Variants in DPP10 observed in about 807,000 individuals in gnomAD.
DPP10 encodes the protein inactive dipeptidyl peptidase 10.
In DPP10, 33 loss-of-function variants were observed where a neutral mutation model predicts 120.9. That is an observed-to-expected ratio of 0.27 (90% CI 0.21 to 0.37). DPP10 has a LOEUF of 0.37. Ranked by LOEUF, DPP10 falls within the 10% of genes least tolerant of loss-of-function variation. The pLI is 1.00. For missense variants in DPP10, 816 were observed against 942.8 expected (o/e 0.87, Z 1.76); for synonymous variants, 337 against 326.1 (o/e 1.03, Z -0.36).
intron 5 of DPP10, among the ~76,000 whole-genome samples, chr2:115,593,589 T>C (rs2082807478): frequency 6.6e-6 from 1 of 152,226 alleles, no homozygotes; most frequent in Non-Finnish European, 1.5e-5. Context: ...AAAAAAATGT[T>C]AGTTTGGAGA....
At chr2:114,991,098 AATTAAT>A (rs1283088699) in intron 1 of DPP10, among the ~76,000 whole-genome samples, 1 of 152,180 alleles carries the variant, frequency 6.6e-6, no homozygotes, top group Non-Finnish European at 1.5e-5. Flanking sequence ...TAATTATATA[AATTAAT>A]ATTATTTGGA....
At chr2:114,969,882 A>G (rs1357418932) in intron 1 of DPP10, among the ~76,000 whole-genome samples, 1 of 152,184 alleles carries the variant, frequency 6.6e-6, no homozygotes, top group Non-Finnish European at 1.5e-5. Context: ...AACCCTCATT[A>G]AATTACGATC....
intron 1 of DPP10, among the ~76,000 whole-genome samples, chr2:114,842,529 C>A (rs1321193265): frequency 6.6e-6 from 1 of 152,050 alleles, no homozygotes; most frequent in Non-Finnish European, 1.5e-5. Flanking sequence ...GCATATAGAT[C>A]AGGGTACAGA....
At chr2:115,633,947 A>G (rs2086106969) in intron 5 of DPP10, among the ~76,000 whole-genome samples, 1 of 152,034 alleles carries the variant, frequency 6.6e-6, no homozygotes, top group Non-Finnish European at 1.5e-5. Context: ...GTCTTTTTAC[A>G]TAATCTCATA....
intron 1 of DPP10, among the ~76,000 whole-genome samples, chr2:114,518,069 ATTTT>A (rs751351962): frequency 2.2e-4 from 12 of 54,140 alleles, no homozygotes; most frequent in Admixed American, 2.6e-4. Flanking sequence ...TGAGCTATTC[ATTTT>A]TTTTTTTTTT....
rs371876762 is a variant in DPP10, at chr2:115,842,167, G to C, written c.2257-44G>C. The C allele has an allele frequency of 1.4e-5, 21 of 1,527,682 alleles. No individual in the cohort carries two copies. In the African/African-American group the frequency reaches 2.9e-4, roughly 21 times the overall value. 94.6% of individuals were successfully genotyped at this position (1,527,682 alleles called of 1,614,324 possible). The stretch of plus-strand genomic sequence containing the variant: ...CAGAAAATGAATGCGAGAGACAATA[G>C]CTTCTTGGATAATTTGAAATCTTCT... On this transcript the variant is annotated intron_variant, in intron 25 of 25. Coordinates refer to ENST00000410059, the MANE Select transcript of DPP10 (RefSeq NM_020868.6).
intron 3 of DPP10, among the ~76,000 whole-genome samples, chr2:115,489,513 C>G (rs950946806): frequency 2.0e-5 from 3 of 151,648 alleles, no homozygotes; most frequent in Non-Finnish European, 2.9e-5. Context: ...ACAAGAATAA[C>G]AAAACAGTCC....
intron 1 of DPP10, among the ~76,000 whole-genome samples, chr2:115,172,051 A>G (rs1023272500): frequency 3.9e-5 from 6 of 152,220 alleles, no homozygotes; most frequent in African/African-American, 1.4e-4. Context: ...AACTGCTGAT[A>G]TCTACACACA....
At chr2:115,093,070 A>G (rs1169232213) in intron 1 of DPP10, among the ~76,000 whole-genome samples, 5 of 152,168 alleles carry the variant, frequency 3.3e-5, no homozygotes, top group Non-Finnish European at 7.4e-5. Flanking sequence ...AGGAACTAGG[A>G]AATAGTAGAG....
At chr2:115,811,241 A>G (rs1339753215) in intron 19 of DPP10, among the ~76,000 whole-genome samples, 1 of 152,196 alleles carries the variant, frequency 6.6e-6, no homozygotes, top group African/African-American at 2.4e-5. Flanking sequence ...TAGATCACAG[A>G]AATGGGTTCA....
At chr2:115,794,313 A>G (rs1437752209) in intron 19 of DPP10, among the ~76,000 whole-genome samples, 2 of 152,196 alleles carry the variant, frequency 1.3e-5, no homozygotes, top group African/African-American at 4.8e-5. Flanking sequence ...TGCAGCAAGC[A>G]CCTGAGTGGC....
At chr2:115,734,815 A>C (rs1436020685) in intron 8 of DPP10, among the ~76,000 whole-genome samples, 3 of 152,138 alleles carry the variant, frequency 2.0e-5, no homozygotes, top group Non-Finnish European at 4.4e-5. Context: ...TAGTTGCATA[A>C]ATCAGTGTCA....
intron 3 of DPP10, among the ~76,000 whole-genome samples, chr2:115,451,148 T>C (rs990310093): frequency 6.6e-6 from 1 of 151,886 alleles, no homozygotes; most frequent in African/African-American, 2.4e-5. Flanking sequence ...CAGGCATTAT[T>C]ATTATTGCTT....
At chr2:114,563,774 A>C (rs948985749) in intron 1 of DPP10, among the ~76,000 whole-genome samples, 1 of 152,170 alleles carries the variant, frequency 6.6e-6, no homozygotes, top group East Asian at 1.9e-4. Flanking sequence ...AAGCTAAACA[A>C]GCAAGTGTGA....
intron 1 of DPP10, among the ~76,000 whole-genome samples, chr2:114,513,098 C>CT (rs747743446): frequency 6.8e-4 from 104 of 152,160 alleles, no homozygotes; most frequent in Middle Eastern, 3.4e-3. Context: ...TTACAAGGCT[C>CT]TTTTTTTCAC....
At chr2:114,831,223 T>A (rs1687090545) in intron 1 of DPP10, among the ~76,000 whole-genome samples, 1 of 152,100 alleles carries the variant, frequency 6.6e-6, no homozygotes, top group Non-Finnish European at 1.5e-5. Flanking sequence ...ATACTAAAAA[T>A]CTTTCAATAG....
chr2:115,111,778 T>G (rs1321914298), intron 1 of DPP10, among the ~76,000 whole-genome samples: 1 of 152,220 alleles, frequency 6.6e-6, no homozygotes, highest in Non-Finnish European at 1.5e-5. Flanking sequence ...AAGAGGTAGA[T>G]TTCTCACGAG....
intron 5 of DPP10, among the ~76,000 whole-genome samples, chr2:115,633,635 T>C (rs1214173678): frequency 1.3e-5 from 2 of 152,150 alleles, no homozygotes; most frequent in Non-Finnish European, 2.9e-5. Flanking sequence ...AATATAGGGT[T>C]TCTGCTGAGA....
chr2:115,032,882 C>CAA (rs1380337520), intron 1 of DPP10, among the ~76,000 whole-genome samples: 6 of 83,226 alleles, frequency 7.2e-5, no homozygotes, highest in Admixed American at 1.2e-4. Context: ...AAGACTCCGT[C>CAA]AAAAAAAAAA....
Sources: gnomAD v4.1 joint callset for allele counts (sites outside exome capture counted in the v4.1 genomes callset) on GRCh38, gnomAD v4.1.1 for gene constraint, MANE v1.5 for transcripts, NCBI Gene and HGNC (gene_info 2026-07-23, HGNC 2026-07-21) for gene names.